PRH1: variants seen among roughly 807,000 people sequenced by gnomAD.
The protein encoded by PRH1 is salivary acidic proline-rich phosphoprotein 1/2.
Under a neutral mutation model 7.9 loss-of-function variants are expected in PRH1, and 7 were observed. That is an observed-to-expected ratio of 0.89 (90% confidence interval 0.50 to 1.67). The LOEUF is 1.67. Among genes scored for constraint, PRH1 ranks in the 40% most tolerant of loss-of-function variants. The pLI, the probability that PRH1 is intolerant of heterozygous loss-of-function variation, is 0.00. For missense variants in PRH1, 109 were observed against 223.6 expected (o/e 0.49, Z 3.27); for synonymous variants, 45 against 80.8 (o/e 0.56, Z 2.38).
At chr12:10,964,588 C>T (rs1938411236) in intron 2 of PRH1, 2 of 381,768 alleles carry the variant, frequency 5.2e-6, no homozygotes, top group South Asian at 3.6e-5. Flanking sequence ...CGTTCTACAG[C>T]CTCCTCCTAA....
intron 1 of PRH1, among the ~76,000 whole-genome samples, chr12:10,979,048 A>G (rs1159276833): frequency 1.3e-5 from 2 of 152,176 alleles, no homozygotes; most frequent in Admixed American, 1.3e-4. Context: ...GGAGCTAAAC[A>G]TTAAATACAT....
chr12:11,107,731 A>C (rs1397980373), intron 1 of PRH1, among the ~76,000 whole-genome samples: 1 of 152,240 alleles, frequency 6.6e-6, no homozygotes, highest in African/African-American at 2.4e-5. Context: ...AGAGTCCAGA[A>C]ATTAACACCA....
chr12:11,036,654 G>C (rs1189099687), intron 1 of PRH1, among the ~76,000 whole-genome samples: 1 of 152,204 alleles, frequency 6.6e-6, no homozygotes, highest in African/African-American at 2.4e-5. Flanking sequence ...CATAAGCAAT[G>C]TATTGTAAAA....
intron 2 of PRH1, among the ~76,000 whole-genome samples, chr12:10,917,879 T>C (rs550487374): frequency 6.6e-6 from 1 of 152,338 alleles, no homozygotes; most frequent in South Asian, 2.1e-4. Flanking sequence ...GTTTTGCCTC[T>C]TCACACATGT....
At chr12:11,099,708 A>AAC (rs201483367) in intron 1 of PRH1, among the ~76,000 whole-genome samples, 6 of 151,912 alleles carry the variant, frequency 3.9e-5, no homozygotes, top group African/African-American at 9.7e-5. Context: ...AAAAACAGAA[A>AAC]ACACACACAC....
intron 1 of PRH1, among the ~76,000 whole-genome samples, chr12:11,073,567 C>T (rs1431708252): frequency 6.6e-6 from 1 of 151,534 alleles, no homozygotes; most frequent in Non-Finnish European, 1.5e-5. Context: ...ATTGCTCTGA[C>T]TTGTTAATAA....
intron 1 of PRH1, among the ~76,000 whole-genome samples, chr12:11,094,681 T>G (rs114354877): frequency 8.6e-6 from 1 of 116,216 alleles, no homozygotes; most frequent in African/African-American, 2.9e-5. Flanking sequence ...CCCTTCGGTA[T>G]ATAATGAGAT....
chr12:11,072,367 T>G (rs1944113173), intron 1 of PRH1, among the ~76,000 whole-genome samples: 2 of 152,146 alleles, frequency 1.3e-5, no homozygotes, highest in Non-Finnish European at 2.9e-5. Flanking sequence ...ATCAGTTTGC[T>G]GTTATTACCT....
At chr12:10,932,481 T>C (rs1406981384) in intron 2 of PRH1, 1 of 181,020 alleles carries the variant, frequency 5.5e-6, no homozygotes, top group African/African-American at 2.3e-5. Flanking sequence ...GGAGTTCCAC[T>C]GTTTCTTTCC....
intron 1 of PRH1, among the ~76,000 whole-genome samples, chr12:11,096,467 T>TA (rs1411568560): frequency 8.7e-6 from 1 of 114,382 alleles, no homozygotes; most frequent in Non-Finnish European, 2.1e-5. Flanking sequence ...ATCAAGTTAT[T>TA]AAAAAAAGTT....
At chr12:10,902,524 C>A (rs1949737357) in intron 2 of PRH1, among the ~76,000 whole-genome samples, 1 of 152,054 alleles carries the variant, frequency 6.6e-6, no homozygotes, top group East Asian at 1.9e-4. Flanking sequence ...AAGAGGACAC[C>A]TGACTGATGC....
upstream of PRH1, among the ~76,000 whole-genome samples, chr12:10,886,786 G>A (rs753486452): frequency 1.3e-5 from 2 of 152,042 alleles, no homozygotes; most frequent in African/African-American, 2.4e-5. Flanking sequence ...AAAAATCCTC[G>A]CTCCCTCCAG....
At chr12:10,990,994 C>T (rs1349250748) in intron 1 of PRH1, among the ~76,000 whole-genome samples, 1 of 152,182 alleles carries the variant, frequency 6.6e-6, no homozygotes, top group Non-Finnish European at 1.5e-5. Flanking sequence ...TTGATTTGGA[C>T]ATGTTAGTTC....
chr12:10,900,517 G>A (rs892157242), intron 2 of PRH1, among the ~76,000 whole-genome samples: 4 of 151,768 alleles, frequency 2.6e-5, no homozygotes, highest in Admixed American at 1.3e-4. Flanking sequence ...GAATTGTGGG[G>A]AAAAAAAACC....
chr12:11,009,699 T>G (rs1290174771), intron 1 of PRH1, among the ~76,000 whole-genome samples: 1 of 151,926 alleles, frequency 6.6e-6, no homozygotes, highest in Non-Finnish European at 1.5e-5. Flanking sequence ...GGATATTAAT[T>G]TGATGTGAGT....
chr12:11,029,579 C>T (rs2136095293), intron 1 of PRH1, among the ~76,000 whole-genome samples: 1 of 152,388 alleles, frequency 6.6e-6, no homozygotes, highest in South Asian at 2.1e-4. Context: ...GAGATCTCAA[C>T]TTCAAAAACA....
At chr12:10,998,718 T>C (rs949324926) in intron 1 of PRH1, among the ~76,000 whole-genome samples, 11 of 152,160 alleles carry the variant, frequency 7.2e-5, no homozygotes, top group African/African-American at 2.7e-4. Flanking sequence ...AGGCTTTTGG[T>C]AATGCTACCT....
chr12:11,085,772 T>C (rs927298388), intron 1 of PRH1, among the ~76,000 whole-genome samples: 1 of 117,932 alleles, frequency 8.5e-6, no homozygotes, highest in Non-Finnish European at 2.0e-5. Context: ...CATATTCTTA[T>C]TCATCATTTT....
At chr12:10,997,644 A>T in intron 1 of PRH1, 1 of 1,613,714 alleles carries the variant, frequency 6.2e-7, no homozygotes, top group Non-Finnish European at 8.5e-7. Context: ...ATTACTTTTA[A>T]ATTAGATGAA....
Sources: gnomAD v4.1 joint callset for allele counts (sites outside exome capture counted in the v4.1 genomes callset) on GRCh38, gnomAD v4.1.1 for gene constraint, MANE v1.5 for transcripts, NCBI Gene and HGNC (gene_info 2026-07-23, HGNC 2026-07-21) for gene names.